Variants in MFHAS1 observed in about 807,000 individuals in gnomAD.
The protein encoded by MFHAS1 is malignant fibrous histiocytoma-amplified sequence 1.
MFHAS1 carries 50 observed loss-of-function variants against 70.4 expected under a neutral mutation model. The observed-to-expected ratio is 0.71, with a 90% CI of 0.57 to 0.90. The LOEUF (loss-of-function observed/expected upper bound fraction) is 0.90. Ranked by LOEUF, MFHAS1 falls within the 40% of genes least tolerant of loss-of-function variation. MFHAS1 has a pLI of 0.00. For synonymous variants in MFHAS1, 952 were observed against 620.0 expected, an observed-to-expected ratio of 1.54 and a Z score of -7.96; for missense variants, 1,795 against 1,347.6, an observed-to-expected ratio of 1.33 and a Z score of -5.20.
intron 1 of MFHAS1, among the ~76,000 whole-genome samples, chr8:8,880,924 A>G (rs891682288): frequency 2.0e-5 from 3 of 151,984 alleles, no homozygotes; most frequent in Non-Finnish European, 4.4e-5. Context: ...ACCTCAAGTG[A>G]TCCACCTCCT....
At chr8:8,850,991 G>A (rs907938658) in intron 1 of MFHAS1, among the ~76,000 whole-genome samples, 4 of 152,000 alleles carry the variant, frequency 2.6e-5, no homozygotes, top group African/African-American at 9.7e-5. Flanking sequence ...TTACCACCCT[G>A]GGCACTACAC....
At chr8:8,841,578 G>A (rs144152013) in intron 1 of MFHAS1, among the ~76,000 whole-genome samples, 1 of 152,278 alleles carries the variant, frequency 6.6e-6, no homozygotes, top group African/African-American at 2.4e-5. Context: ...GGCCTTGTGA[G>A]CTGACAATCA....
intron 1 of MFHAS1, among the ~76,000 whole-genome samples, chr8:8,826,247 AGTGTGTGT>A (rs112140342): frequency 2.7e-4 from 40 of 147,870 alleles, no homozygotes; most frequent in Admixed American, 1.0e-3. Context: ...AAACACAAAG[AGTGTGTGT>A]GTGTGTGTGT....
chr8:8,811,109 C>A (rs1806531347), intron 1 of MFHAS1, among the ~76,000 whole-genome samples: 1 of 152,040 alleles, frequency 6.6e-6, no homozygotes, highest in African/African-American at 2.4e-5. Context: ...CAGCTGGAAT[C>A]CTCTCTCAAC....
intron 1 of MFHAS1, among the ~76,000 whole-genome samples, chr8:8,815,545 T>C (rs1190391093): frequency 6.6e-6 from 1 of 152,252 alleles, no homozygotes; most frequent in African/African-American, 2.4e-5. Context: ...CTTGACTTTT[T>C]AATAATTGCC....
chr8:8,893,240 G>A lies in MFHAS1; in HGVS notation c.-182C>T, dbSNP rs1231460765. ...CGGCTAGGGGGCGGCGGCGACGCGAGCGGCTCCGGGGGACGCCGAGCGCGT... is the reference window on the plus strand; with the variant it reads ...CGGCTAGGGGGCGGCGGCGACGCGAACGGCTCCGGGGGACGCCGAGCGCGT... On this transcript the variant is annotated 5_prime_UTR_variant, in exon 1 of 3. Coordinates refer to ENST00000276282, the MANE Select transcript of MFHAS1 (RefSeq NM_004225.3). 1 of 170,622 alleles carries A rather than the reference G, an allele frequency of 5.9e-6. No homozygotes were observed. The highest frequency in any genetic ancestry group is 1.2e-5 in the Non-Finnish European group (1 of 83,808). The allele number at this position is 170,622 out of a possible 1,614,324, so 10.6% of individuals were successfully genotyped here. A position where few individuals can be genotyped will look rare whatever the true frequency, so the allele number is the denominator to read the frequency against.
At chr8:8,805,381 T>C (rs1421624262) in intron 1 of MFHAS1, among the ~76,000 whole-genome samples, 2 of 152,230 alleles carry the variant, frequency 1.3e-5, no homozygotes, top group Non-Finnish European at 2.9e-5. Flanking sequence ...GTGTGTCACA[T>C]ATAGCATGTG....
intron 1 of MFHAS1, among the ~76,000 whole-genome samples, chr8:8,829,984 C>A (rs912700319): frequency 6.6e-6 from 1 of 152,142 alleles, no homozygotes; most frequent in East Asian, 1.9e-4. Context: ...TTAGAGTGTG[C>A]CTGCTTCGGC....
intron 1 of MFHAS1, among the ~76,000 whole-genome samples, chr8:8,823,068 C>T (rs182005429): frequency 2.6e-5 from 4 of 152,140 alleles, no homozygotes; most frequent in African/African-American, 9.7e-5. Flanking sequence ...CTAGTCCATA[C>T]AGAGATTCTC....
At chr8:8,855,436 G>A (rs1041930876) in intron 1 of MFHAS1, among the ~76,000 whole-genome samples, 14 of 152,248 alleles carry the variant, frequency 9.2e-5, no homozygotes, top group African/African-American at 3.4e-4. Context: ...CAGGGAAGGA[G>A]CAATTAAATC....
intron 1 of MFHAS1, among the ~76,000 whole-genome samples, chr8:8,841,631 G>A (rs1337364668): frequency 6.6e-6 from 1 of 152,084 alleles, no homozygotes; most frequent in African/African-American, 2.4e-5. Flanking sequence ...TTCAAAAATG[G>A]CAATGGTAAG....
intron 1 of MFHAS1, among the ~76,000 whole-genome samples, chr8:8,833,006 A>G (rs1166554361): frequency 2.6e-5 from 4 of 152,146 alleles, no homozygotes; most frequent in Non-Finnish European, 5.9e-5. Flanking sequence ...TGCTTCTAGG[A>G]GGGCCTCAAC....
chr8:8,853,056 T>A (rs942387589), intron 1 of MFHAS1, among the ~76,000 whole-genome samples: 1 of 152,194 alleles, frequency 6.6e-6, no homozygotes, highest in Non-Finnish European at 1.5e-5. Flanking sequence ...CAGCAGCAAC[T>A]GCCTGGCTCA....
chr8:8,790,376 G>C (rs1805681263), intron 2 of MFHAS1: 2 of 985,032 alleles, frequency 2.0e-6, no homozygotes, highest in Non-Finnish European at 2.4e-6. Context: ...AAAAATGATG[G>C]CATAAGGAAA....
At chr8:8,822,446 G>A (rs1806993091) in intron 1 of MFHAS1, among the ~76,000 whole-genome samples, 1 of 151,816 alleles carries the variant, frequency 6.6e-6, no homozygotes, top group South Asian at 2.1e-4. Context: ...ACTGAGATGG[G>A]GACAGGGACC....
rs148180274 is a variant in MFHAS1 at position 8,821,176 on chromosome 8, G to A, written c.2999-23685C>T. Among the ~76,000 whole-genome samples the A allele has an allele frequency of 3.0e-4, 46 of 152,258 alleles. No individual in the cohort carries two copies. In the East Asian group the frequency reaches 7.7e-3, roughly 26 times the overall value. On this transcript the variant is annotated intron_variant, in intron 1 of 2. Transcript: ENST00000276282. ...GAGGGAGCAGCTGCCAGGTGGAAACGGAATGAACTGCCTGCCTGAACTGCC... is the reference window on the plus strand; with the variant it reads ...GAGGGAGCAGCTGCCAGGTGGAAACAGAATGAACTGCCTGCCTGAACTGCC...
chr8:8,798,420 G>T (rs537985527), intron 1 of MFHAS1, among the ~76,000 whole-genome samples: 1 of 152,282 alleles, frequency 6.6e-6, no homozygotes, highest in African/African-American at 2.4e-5. Flanking sequence ...CAATCTCCCA[G>T]GCTCAGGTGA....
intron 1 of MFHAS1, among the ~76,000 whole-genome samples, chr8:8,854,612 G>A (rs1808364735): frequency 6.6e-6 from 1 of 151,734 alleles, no homozygotes; most frequent in Admixed American, 6.6e-5. Flanking sequence ...TTGAACCTTG[G>A]AGGTGGAGGT....
chr8:8,879,250 A>G (rs1396492618), intron 1 of MFHAS1, among the ~76,000 whole-genome samples: 3 of 151,946 alleles, frequency 2.0e-5, no homozygotes, highest in Admixed American at 1.3e-4. Context: ...TAGTTGGGAG[A>G]TGAGGCAGGA....
Sources: gnomAD v4.1 joint callset for allele counts (sites outside exome capture counted in the v4.1 genomes callset) on GRCh38, gnomAD v4.1.1 for gene constraint, MANE v1.5 for transcripts, NCBI Gene and HGNC (gene_info 2026-07-23, HGNC 2026-07-21) for gene names.